Variants in ERAP1 observed in about 807,000 individuals in gnomAD.
ERAP1 encodes endoplasmic reticulum aminopeptidase 1, also known as adipocyte-derived leucine aminopeptidase.
ERAP1 carries 86 observed loss-of-function variants against 103.7 expected under a neutral mutation model. That is an observed-to-expected ratio of 0.83 (90% CI 0.70 to 0.99). The LOEUF (loss-of-function observed/expected upper bound fraction) is 0.99, where lower values mean the gene tolerates loss of function less well. Among genes scored for constraint, ERAP1 ranks in the 50% least tolerant of loss-of-function variants. The pLI, the probability that ERAP1 is intolerant of heterozygous loss-of-function variation, is 0.00. For synonymous variants in ERAP1, 398 were observed against 402.4 expected (o/e 0.99, Z 0.13); for missense variants, 1,009 against 1,128.4 (o/e 0.89, Z 1.52).
downstream of ERAP1, chr5:96,772,761 C>T (rs1772925029): frequency 6.6e-6 from 1 of 152,610 alleles, no homozygotes. Flanking sequence ...CTCTGAACAT[C>T]CTAAATATTG....
chr5:96,803,986 A>C, intron 1 of ERAP1, 43 bp from the exon 2 acceptor site: 2 of 1,579,012 alleles, frequency 1.3e-6, no homozygotes, highest in Non-Finnish European at 1.7e-6. Flanking sequence ...ATGTCATTAA[A>C]ATGTTATTGA....
At chr5:96,934,178 G>A in the ERAP1 span, 3 of 152,212 alleles carry the variant, frequency 2.0e-5, no homozygotes, top group Admixed American at 2.0e-4. Flanking sequence ...CACAAAGCTT[G>A]CATTCTTGAG....
At chr5:96,795,791 C>T (rs992588264) in intron 4 of ERAP1, among the ~76,000 whole-genome samples, 19 of 152,132 alleles carry the variant, frequency 1.2e-4, no homozygotes, top group Non-Finnish European at 2.1e-4. Context: ...ACTCAGGCAA[C>T]GTAAGCTCAC....
At chr5:96,884,071 T>TATCTATC in the ERAP1 span, 1 of 562,358 alleles carries the variant, frequency 1.8e-6, no homozygotes, top group Admixed American at 4.3e-5. Flanking sequence ...TCTATCTATC[T>TATCTATC]ATCTATCTAT....
chr5:96,923,978 CTGGT>C, the ERAP1 span, among the ~76,000 whole-genome samples: 31 of 152,042 alleles, frequency 2.0e-4, no homozygotes, highest in Non-Finnish European at 3.8e-4. Flanking sequence ...TTAGAAAGTA[CTGGT>C]TGGGTAGGAG....
chr5:96,860,330 A>T, the ERAP1 span, among the ~76,000 whole-genome samples: 1 of 152,194 alleles, frequency 6.6e-6, no homozygotes, highest in South Asian at 2.1e-4. Context: ...CTGGGATTAC[A>T]AGTGTGAGCC....
the ERAP1 span, among the ~76,000 whole-genome samples, chr5:96,816,394 A>G: frequency 6.6e-6 from 1 of 152,176 alleles, no homozygotes; most frequent in African/African-American, 2.4e-5. Context: ...GAAAGGAACA[A>G]TGTTCACAGG....
chr5:96,843,150 A>G, the ERAP1 span, among the ~76,000 whole-genome samples: 1 of 152,206 alleles, frequency 6.6e-6, no homozygotes, highest in Non-Finnish European at 1.5e-5. Flanking sequence ...ATTGAAAATG[A>G]AAGTACACTC....
the ERAP1 span, among the ~76,000 whole-genome samples, chr5:96,905,285 G>GA: frequency 2.0e-5 from 3 of 152,040 alleles, no homozygotes; most frequent in Non-Finnish European, 4.4e-5. Flanking sequence ...AACTACAAAT[G>GA]AAAAAAATAA....
the ERAP1 span, chr5:96,902,292 A>G: frequency 1.9e-6 from 3 of 1,610,354 alleles, no homozygotes; most frequent in African/African-American, 2.7e-5. Context: ...GGCATATCCC[A>G]TTGACCTACT....
At chr5:96,925,774 T>G in the ERAP1 span, among the ~76,000 whole-genome samples, 1 of 152,180 alleles carries the variant, frequency 6.6e-6, no homozygotes, top group Non-Finnish European at 1.5e-5. Flanking sequence ...CTGTAGAATT[T>G]TCTATAGCAT....
At chr5:96,807,663 C>T (rs1451736139) in intron 1 of ERAP1, among the ~76,000 whole-genome samples, 197 bp downstream of exon 1, 2 of 151,392 alleles carry the variant, frequency 1.3e-5, no homozygotes, top group Non-Finnish European at 2.9e-5. Context: ...TTCCCGCGCC[C>T]TGTCTCGCGC....
At chr5:96,915,030 G>A in the ERAP1 span, among the ~76,000 whole-genome samples, 58 of 150,482 alleles carry the variant, frequency 3.9e-4, no homozygotes, top group Middle Eastern at 3.5e-3. Flanking sequence ...TTTTTGAGAC[G>A]GAGTTTCATT....
the ERAP1 span, among the ~76,000 whole-genome samples, chr5:96,887,030 G>A: frequency 2.7e-5 from 4 of 147,426 alleles, no homozygotes; most frequent in Non-Finnish European, 6.0e-5. Context: ...GGTGTACATA[G>A]TAACAGTATT....
chr5:96,908,915 A>G, the ERAP1 span: 14 of 1,544,204 alleles, frequency 9.1e-6, no homozygotes, highest in South Asian at 1.6e-4. Flanking sequence ...AAATATTAAA[A>G]ACTATAAGAT....
intron 19 of ERAP1, chr5:96,767,898 A>G (rs750605598): frequency 3.1e-6 from 5 of 1,595,184 alleles, no homozygotes; most frequent in South Asian, 2.2e-5. Context: ...ATTTCTACTC[A>G]TATCTCAGAA....
chr5:96,790,740 C>T lies in ERAP1; in HGVS notation c.1321-97G>A, dbSNP rs1204108152. On this transcript the variant is annotated intron_variant, in intron 8 of 18. Transcript: ENST00000443439. ...GCAATAAAACACATTTCTTTGAAAA[C>T]GCAACTGCAGGAACACTGTTAATGT... 3.4e-5 allele frequency: 39 copies of T among 1,152,656 alleles called. No homozygotes were observed. In the East Asian group the frequency reaches 4.8e-4, roughly 14 times the overall value. 71.4% of individuals were successfully genotyped at this position (1,152,656 alleles called of 1,614,324 possible).
chr5:96,798,885 T>TTTTTTA (rs1777665177), intron 3 of ERAP1, among the ~76,000 whole-genome samples: 4 of 150,404 alleles, frequency 2.7e-5, no homozygotes, highest in Admixed American at 1.3e-4. Context: ...TTTTTTTTTT[T>TTTTTTA]GAGATGGAGT....
the ERAP1 span, among the ~76,000 whole-genome samples, chr5:96,921,582 A>C: frequency 6.6e-6 from 1 of 152,238 alleles, no homozygotes; most frequent in Admixed American, 6.5e-5. Context: ...CGTTTCTACA[A>C]TCTTTCCTTC....
Sources: gnomAD v4.1 joint callset for allele counts (sites outside exome capture counted in the v4.1 genomes callset) on GRCh38, gnomAD v4.1.1 for gene constraint, MANE v1.5 for transcripts, NCBI Gene and HGNC (gene_info 2026-07-23, HGNC 2026-07-21) for gene names.